The following MYT1L variants were observed in gnomAD, a reference collection of about 807,000 sequenced individuals.
The protein encoded by MYT1L is myelin transcription factor 1 like, also known as myelin transcription factor 1-like protein.
A neutral mutation model predicts 126.7 loss-of-function variants in MYT1L; 12 were observed. The ratio of observed to expected loss-of-function variants is 0.09; its 90% CI spans 0.06 to 0.15. The LOEUF is 0.15. Among genes scored for constraint, MYT1L ranks in the 10% least tolerant of loss-of-function variants. The probability of loss-of-function intolerance (pLI) is 1.00; values close to 1 mark genes in which losing one functional copy is unlikely to be tolerated. For synonymous variants in MYT1L, 541 were observed against 604.2 expected, an observed-to-expected ratio of 0.90 and a Z score of 1.53; for missense variants, 979 against 1,585.2, an observed-to-expected ratio of 0.62 and a Z score of 6.49.
intron 18 of MYT1L, among the ~76,000 whole-genome samples, chr2:1,867,316 A>C (rs2045706797): frequency 1.3e-5 from 2 of 152,096 alleles, no homozygotes; most frequent in Admixed American, 1.3e-4. Context: ...AGGGTCGCAC[A>C]CAGGACTCAG....
At chr2:1,877,489 T>C (rs2047056719) in intron 18 of MYT1L, among the ~76,000 whole-genome samples, 1 of 152,216 alleles carries the variant, frequency 6.6e-6, no homozygotes, top group African/African-American at 2.4e-5. Flanking sequence ...GCTCGACTGA[T>C]ATTTTCTCCC....
At chr2:1,831,013 C>T (rs1474271807) in intron 21 of MYT1L, among the ~76,000 whole-genome samples, 1 of 152,232 alleles carries the variant, frequency 6.6e-6, no homozygotes, top group Non-Finnish European at 1.5e-5. Flanking sequence ...GTGCCCTTCC[C>T]TCCAGTGGCC....
intron 2 of MYT1L, among the ~76,000 whole-genome samples, chr2:2,242,795 A>G (rs1237440330): frequency 8.5e-5 from 13 of 152,228 alleles, no homozygotes; most frequent in Admixed American, 8.5e-4. Flanking sequence ...GAATATGGCT[A>G]AGGAGAATTT....
At chr2:2,041,434 A>G (rs2067522432) in intron 4 of MYT1L, among the ~76,000 whole-genome samples, 1 of 152,212 alleles carries the variant, frequency 6.6e-6, no homozygotes, top group African/African-American at 2.4e-5. Flanking sequence ...GCCGCCCAAG[A>G]GCTGCTCAGT....
chr2:1,958,521 G>T (rs2058697863), intron 8 of MYT1L, among the ~76,000 whole-genome samples: 1 of 152,232 alleles, frequency 6.6e-6, no homozygotes, highest in Non-Finnish European at 1.5e-5. Context: ...AGATCCTCAA[G>T]CGGCCTCAGC....
intron 4 of MYT1L, among the ~76,000 whole-genome samples, chr2:2,027,049 G>A (rs539790405): frequency 5.3e-5 from 8 of 152,134 alleles, no homozygotes; most frequent in South Asian, 2.1e-4. Flanking sequence ...TGGACCCCTC[G>A]CCACCTCCAG....
At chr2:2,107,205 C>T (rs1055884536) in intron 3 of MYT1L, among the ~76,000 whole-genome samples, 2 of 152,192 alleles carry the variant, frequency 1.3e-5, no homozygotes, top group African/African-American at 2.4e-5. Context: ...TGGGTTTGGG[C>T]AGGGAAGACC....
intron 4 of MYT1L, among the ~76,000 whole-genome samples, chr2:2,026,786 A>C (rs2149876828): frequency 6.6e-6 from 1 of 152,150 alleles, no homozygotes; most frequent in South Asian, 2.1e-4. Context: ...TTTCTGGTGG[A>C]ATGTTCTTGA....
intron 2 of MYT1L, among the ~76,000 whole-genome samples, chr2:2,177,382 A>G (rs2148594461): frequency 6.6e-6 from 1 of 152,336 alleles, no homozygotes; most frequent in African/African-American, 2.4e-5. Flanking sequence ...GCAATCTAAG[A>G]CTGACCTATA....
rs184776944 is a variant in MYT1L, at chr2:1,886,711, C to A, written c.2643-104G>T. On this transcript the variant is annotated intron_variant, in intron 17 of 24. Coordinates refer to ENST00000647738, the MANE Select transcript of MYT1L (RefSeq NM_001303052.2). ...AATTAAAGAGTTTAATGCAGAAAAG[C>A]AATGGGCAAGTGCTGTATATTGAAT... is the stretch of plus-strand genomic sequence containing the variant. The A allele has an allele frequency of 1.4e-4, 92 of 649,866 alleles. No individual in the cohort carries two copies. The East Asian group carries it at 2.5e-3, about 17-fold the overall frequency. 40.3% of individuals were successfully genotyped at this position (649,866 alleles called of 1,614,324 possible).
rs116529767 is a variant in MYT1L, at chr2:1,992,003, G to A, written c.-1+5188C>T. Among the ~76,000 whole-genome samples, 1,319 of 152,160 alleles carry A rather than the reference G, an allele frequency of 8.7e-3. 29 individuals are homozygous for A. Among genetic ancestry groups the A allele is most frequent in the African/African-American group, 0.03 (1,239 of 41,524 alleles). ...TGGCGTTTTCAGCCCTAACCTCTCC[G>A]GTCAGCACTCCTTGCTGCCTCTGTC... On this transcript the variant is annotated intron_variant, in intron 5 of 24. Coordinates refer to ENST00000647738, the MANE Select transcript of MYT1L (RefSeq NM_001303052.2).
chr2:2,186,578 A>G (rs2092223797), intron 2 of MYT1L, among the ~76,000 whole-genome samples: 1 of 152,200 alleles, frequency 6.6e-6, no homozygotes, highest in Admixed American at 6.5e-5. Flanking sequence ...TAAAGTCTCC[A>G]TGTCTCCCCA....
intron 23 of MYT1L, among the ~76,000 whole-genome samples, chr2:1,799,393 C>T (rs902463296): frequency 2.0e-5 from 3 of 152,174 alleles, no homozygotes; most frequent in African/African-American, 7.2e-5. Flanking sequence ...CAGATCCAGG[C>T]GGCATGACCT....
chr2:1,941,503 A>T (rs75806203), intron 9 of MYT1L, among the ~76,000 whole-genome samples: 1 of 152,164 alleles, frequency 6.6e-6, no homozygotes, highest in African/African-American at 2.4e-5. Context: ...TATTATTTTA[A>T]TTCTTAGCAT....
chr2:2,128,059 AAAC>A (rs1175445795), intron 3 of MYT1L, among the ~76,000 whole-genome samples: 1 of 152,244 alleles, frequency 6.6e-6, no homozygotes, highest in East Asian at 1.9e-4. Context: ...TAATTATGAA[AAAC>A]AACAACTGTC....
intron 9 of MYT1L, among the ~76,000 whole-genome samples, chr2:1,941,410 C>T (rs1328546042): frequency 6.6e-6 from 1 of 152,206 alleles, no homozygotes; most frequent in East Asian, 1.9e-4. Context: ...TAATGAGTCA[C>T]TCAAAATGAC....
intron 3 of MYT1L, among the ~76,000 whole-genome samples, chr2:2,058,245 C>G (rs1470595583): frequency 6.6e-6 from 1 of 152,122 alleles, no homozygotes; most frequent in East Asian, 1.9e-4. Context: ...ACTATCTGCC[C>G]ATGTCTTTTG....
At chr2:2,309,537 TTATACTCTACC>T (rs2095920779) in intron 1 of MYT1L, among the ~76,000 whole-genome samples, 1 of 150,954 alleles carries the variant, frequency 6.6e-6, no homozygotes, top group South Asian at 2.1e-4. Context: ...TTACACTTCA[TTATACTCTACC>T]TATACTCTAC....
At chr2:1,892,370 G>A (rs1374894438) in intron 14 of MYT1L, 83 bp from the exon 15 acceptor site, 5 of 1,487,562 alleles carry the variant, frequency 3.4e-6, no homozygotes, top group African/African-American at 1.4e-5. Context: ...TGCCCGCCCC[G>A]GCCTCAGCCA....
Sources: allele counts gnomAD v4.1 joint callset (sites outside exome capture counted in the v4.1 genomes callset), GRCh38; gene constraint gnomAD v4.1.1; transcripts MANE v1.5; gene names NCBI Gene and HGNC (gene_info 2026-07-23, HGNC 2026-07-21).